Variants in PKN3 observed in about 807,000 individuals in gnomAD.
PKN3 encodes protein kinase N3.
In PKN3, 91 loss-of-function variants were observed where a neutral mutation model predicts 113.1. That is an observed-to-expected ratio of 0.80 (90% CI 0.68 to 0.96). The LOEUF (loss-of-function observed/expected upper bound fraction) is 0.96, where lower values mean the gene tolerates loss of function less well. Among genes scored for constraint, PKN3 ranks in the 40% least tolerant of loss-of-function variants. The pLI is 0.00. For synonymous variants in PKN3, 467 were observed against 499.0 expected (o/e 0.94, Z 0.85); for missense variants, 1,052 against 1,202.2 (o/e 0.88, Z 1.85).
intron 6 of PKN3, among the ~76,000 whole-genome samples, chr9:128,707,928 C>T (rs191247421): frequency 9.2e-4 from 139 of 151,354 alleles, no homozygotes; most frequent in African/African-American, 3.3e-3. Context: ...AAAAATTAGC[C>T]GGGCGTGGTG....
intron 18 of PKN3, among the ~76,000 whole-genome samples, chr9:128,719,134 G>A (rs1178406347): frequency 3.3e-5 from 5 of 151,694 alleles, no homozygotes; most frequent in Admixed American, 3.3e-4. Flanking sequence ...CTGACCTCAT[G>A]ATCCACCCAC....
In PKN3 at chr9:128,705,302, G is replaced by T. The variant is rs746414129; in HGVS notation, c.25-1G>T. ...CCCTCTGCTTTCCACCGGCTCTGCA[G>T]CCTGGGCCGAGCCAGTGGCCCCCAG... On this transcript the variant is annotated splice_acceptor_variant, in intron 1 of 21. Transcript: ENST00000291906. LOFTEE classifies it high-confidence loss of function. 3.9e-6 allele frequency: 6 copies of T among 1,552,280 alleles called. No individual in the cohort carries two copies. The highest frequency in any genetic ancestry group is 4.8e-5 in the East Asian group (2 of 41,282).
Position 128,715,418 on chromosome 9 carries a change from C to T in PKN3, c.1766C>T (p.Ala589Val). 1 of 1,614,020 alleles carries T rather than the reference C, an allele frequency of 6.2e-7. No homozygotes were observed. Among genetic ancestry groups the T allele is most frequent in the Non-Finnish European group, 8.5e-7 (1 of 1,179,986 alleles). The stretch of plus-strand genomic sequence containing the variant: ...ACAGGGAAATACTACGCCATCAAAG[C>T]ACTGAAGAAGCAGGAGGTGCTCAGC... Reference protein sequence around the residue: ...KGTGKYYAIKALKKQEVLSRD... With the variant: ...KGTGKYYAIKVLKKQEVLSRD... The change falls in exon 15 of 22, where the codon GCA (alanine) becomes GTA (valine). Residue 589 changes from alanine to valine, a missense_variant. Physicochemically the swap from Ala to Val is moderately conservative, Grantham distance 64. Coordinates refer to ENST00000291906, the MANE Select transcript of PKN3 (RefSeq NM_013355.5). The surrounding 1 kb of genome is among the most constrained non-coding windows in gnomAD (Gnocchi z 4.1).
intron 16 of PKN3, 119 bp from the exon 17 acceptor site, chr9:128,718,206 C>G: frequency 1.3e-6 from 1 of 775,588 alleles, no homozygotes; most frequent in Non-Finnish European, 2.3e-6. Context: ...CAGTCTCACT[C>G]ATCTCTGACT....
chr9:128,709,157 C>T lies in PKN3; in HGVS notation c.835+1752C>T, dbSNP rs568669592. Reference sequence around the variant, plus strand: ...AAAATTAACCGGGCGTGGTGGCGGGCGCCTGTAGTCCCAGCTACTCGGGAG... The same window carrying T: ...AAAATTAACCGGGCGTGGTGGCGGGTGCCTGTAGTCCCAGCTACTCGGGAG... On this transcript the variant is annotated intron_variant, in intron 6 of 21. Transcript: ENST00000291906. 8.6e-3 allele frequency among the ~76,000 whole-genome samples: 1,307 copies of T among 151,480 alleles called. 6 individuals are homozygous for T. Among genetic ancestry groups the T allele is most frequent in the Middle Eastern group, 0.017 (5 of 292 alleles).
rs1342951945 is a variant in PKN3 at position 128,715,222 on chromosome 9, G to A, written c.1703G>A (p.Gly568Glu). The change falls in exon 14 of 22, where the codon GGA becomes GAA. Residue 568 changes from glycine to glutamate, a missense_variant. Around this residue, in one of 2 missense-constraint regions of PKN3, gnomAD observed 333 missense variants for 442.8 expected, o/e 0.75. Transcript: ENST00000291906. The surrounding 1 kb of genome is among the most constrained non-coding windows in gnomAD (Gnocchi z 4.1). ...DFRCLAVLGR[G>E]HFGKVLLVQF... ...CGCTGCTTAGCTGTGCTGGGCCGGG[G>A]ACACTTTGGGAAGGTAGTGGGCTGA... The A allele has an allele frequency of 5.6e-6, 9 of 1,613,988 alleles. No homozygotes were observed. The highest frequency in any genetic ancestry group is 1.3e-5 in the African/African-American group (1 of 74,910).
intron 1 of PKN3, chr9:128,703,513 C>T (rs1281032726): frequency 1.0e-6 from 1 of 985,322 alleles, no homozygotes; most frequent in Non-Finnish European, 1.2e-6. Flanking sequence ...GGGTTTCCTG[C>T]CAGAGCTGGC....
In PKN3 at chr9:128,715,292, G is replaced by A. The variant is rs1197919172; in HGVS notation, c.1716+57G>A. On this transcript the variant is annotated intron_variant, in intron 14 of 21. Coordinates refer to ENST00000291906, the MANE Select transcript of PKN3 (RefSeq NM_013355.5). The surrounding 1 kb of genome is among the most constrained non-coding windows in gnomAD (Gnocchi z 4.1). ...GATTGGGGGCCTCATCACATGAGCC[G>A]GGAGGACCTGATCTGTGGGGGCGGT... 40 of 1,605,872 alleles carry A rather than the reference G, an allele frequency of 2.5e-5. No homozygotes were observed. The highest frequency in any genetic ancestry group is 5.5e-5 in the South Asian group (5 of 90,936).
chr9:128,706,796 C>T lies in PKN3; in HGVS notation c.495C>T (p.Ser165=), dbSNP rs1471613138. Residue 165 remains serine, a synonymous_variant, in exon 4 of 22, where the codon AGC becomes AGT. Transcript: ENST00000291906. The part of the protein sequence containing the change: ...KVALLRMKIS[S]LEASGSPEPG... ...CCCTGCTGCGGATGAAGATCAGCAG[C>T]CTGGAGGCCAGTGGGTCCCCGGAGC... 3.1e-6 allele frequency: 5 copies of T among 1,610,492 alleles called. No homozygotes were observed. Among genetic ancestry groups the T allele is most frequent in the South Asian group, 1.1e-5 (1 of 90,838 alleles).
intron 3 of PKN3, among the ~76,000 whole-genome samples, chr9:128,706,421 C>A (rs942321788): frequency 3.3e-5 from 5 of 151,780 alleles, no homozygotes; most frequent in Non-Finnish European, 7.4e-5. Context: ...GAGAGTTAGC[C>A]CCAGCCCTGA....
intron 18 of PKN3, among the ~76,000 whole-genome samples, chr9:128,719,372 G>C (rs561564983): frequency 2.0e-5 from 3 of 151,598 alleles, no homozygotes; most frequent in African/African-American, 7.3e-5. Flanking sequence ...TGTATTTTTA[G>C]TAGAGACGGG....
At chr9:128,711,269 G>C (rs1862166503) in intron 6 of PKN3, among the ~76,000 whole-genome samples, 1 of 151,356 alleles carries the variant, frequency 6.6e-6, no homozygotes, top group Non-Finnish European at 1.5e-5. Context: ...GCCTCCCAAA[G>C]TGCTGGGATT....
chr9:128,718,709 A>T, intron 18 of PKN3, 84 bp downstream of exon 18: 1 of 1,291,318 alleles, frequency 7.7e-7, no homozygotes, highest in Non-Finnish European at 1.1e-6. Flanking sequence ...GGCATGTCCC[A>T]GGAAATCTCC....
intron 1 of PKN3, among the ~76,000 whole-genome samples, chr9:128,704,747 C>T (rs889391592): frequency 6.6e-6 from 1 of 151,984 alleles, no homozygotes; most frequent in Non-Finnish European, 1.5e-5. Context: ...GGAGAAACCC[C>T]GTCCCTACTA....
chr9:128,717,449 A>G (rs984827480), intron 16 of PKN3, among the ~76,000 whole-genome samples: 24 of 151,576 alleles, frequency 1.6e-4, no homozygotes, highest in African/African-American at 5.8e-4. Flanking sequence ...TTTATTTGAA[A>G]AATAGGCATG....
chr9:128,715,470 G>A lies in PKN3; in HGVS notation c.1808+10G>A. ...GGGACGAGATAGAGAGGTGTGTGGG[G>A]GTGCCGCAGGGCACCCAGGATGGCT... On this transcript the variant is annotated intron_variant, in intron 15 of 21. Transcript: ENST00000291906. This position sits in a 1 kb window ranked among gnomAD's most constrained non-coding sequence, Gnocchi z 4.1. 1 of 1,606,082 alleles carries A rather than the reference G, an allele frequency of 6.2e-7. No individual in the cohort carries two copies. Among genetic ancestry groups the A allele is most frequent in the Non-Finnish European group, 8.5e-7 (1 of 1,173,234 alleles).
chr9:128,712,765 G>A (rs1286037325), intron 6 of PKN3, among the ~76,000 whole-genome samples: 2 of 152,130 alleles, frequency 1.3e-5, no homozygotes, highest in Non-Finnish European at 2.9e-5. Flanking sequence ...TCCTCACCTG[G>A]GAGTGTCCAG....
At chr9:128,717,820 C>A (rs1271926440) in intron 16 of PKN3, among the ~76,000 whole-genome samples, 5 of 142,118 alleles carry the variant, frequency 3.5e-5, no homozygotes, top group Non-Finnish European at 7.5e-5. Flanking sequence ...GAGATCAAGA[C>A]CATCCTGGCC....
chr9:128,712,883 G>A (rs1348008538), intron 6 of PKN3, among the ~76,000 whole-genome samples, 169 bp from the exon 7 acceptor site: 1 of 152,168 alleles, frequency 6.6e-6, no homozygotes, highest in African/African-American at 2.4e-5. Context: ...GGCACTCTAG[G>A]CCGCCACACT....
Sources: gnomAD v4.1 joint callset for allele counts (sites outside exome capture counted in the v4.1 genomes callset) on GRCh38, gnomAD v4.1.1 for gene constraint, gnomAD v4.1.1 regional missense constraint, Gnocchi (gnomAD v3.1) non-coding constraint, MANE v1.5 for transcripts, NCBI Gene and HGNC (gene_info 2026-07-23, HGNC 2026-07-21) for gene names.